The following KCNG2 variants were observed in gnomAD, a reference collection of about 807,000 sequenced individuals.
The protein encoded by KCNG2 is potassium voltage-gated channel modifier subfamily G member 2, also known as voltage-gated potassium channel regulatory subunit KCNG2.
KCNG2 carries 7 observed loss-of-function variants against 12.3 expected under a neutral mutation model. The ratio of observed to expected loss-of-function variants is 0.57; its 90% confidence interval spans 0.32 to 1.07. KCNG2 has a LOEUF of 1.07. Among genes scored for constraint, KCNG2 ranks in the 50% least tolerant of loss-of-function variants. The pLI, the probability that KCNG2 is intolerant of heterozygous loss-of-function variation, is 0.04. For synonymous variants in KCNG2, 414 were observed against 351.4 expected (o/e 1.18, Z -1.99); for missense variants, 703 against 726.0 (o/e 0.97, Z 0.36).
At position 79,899,369 on chromosome 18, in the gene KCNG2, C is replaced by T. The variant is rs773285601; in HGVS notation, c.954C>T (p.Cys318=). The T allele has an allele frequency of 3.6e-5, 56 of 1,556,794 alleles. No homozygotes were observed. The highest frequency in any genetic ancestry group is 5.7e-5 in the Admixed American group (3 of 52,992). ...LRSLGLTMRR[C]AREFGLLLLF... is the part of the protein sequence containing the mutation. ...CGCTGGGCCTGACCATGCGCCGCTG[C>T]GCGCGCGAGTTCGGGCTGCTGCTGC... The change falls in exon 4 of 4, where the codon TGC becomes TGT. Residue 318 remains cysteine, a synonymous_variant. Transcript: ENST00000316249.
intron 1 of KCNG2, among the ~76,000 whole-genome samples, chr18:79,849,551 G>A (rs1978744690): frequency 6.6e-6 from 1 of 152,248 alleles, no homozygotes; most frequent in Admixed American, 6.5e-5. Flanking sequence ...GTCAGCCTAG[G>A]AGCCTCCTGT....
chr18:79,872,611 G>A (rs8091533), intron 3 of KCNG2, among the ~76,000 whole-genome samples: 120,677 of 152,146 alleles, frequency 0.79, 52,140 homozygotes, highest in Non-Finnish European at 0.95. Flanking sequence ...ATCCCTCCCA[G>A]GTCTCCGGTC....
rs1427014425 is a variant in KCNG2, at chr18:79,797,982, C to T, written c.-147C>T. ...CCGAGGAGGCCGCCGGCCGGGTAAG[C>T]GGAGCCCGGAGCTCGCGGAGTCTGG... On this transcript the variant is annotated 5_prime_UTR_variant, in exon 1 of 4. Transcript: ENST00000316249. 6.6e-6 allele frequency among the ~76,000 whole-genome samples: 1 copy of T among 150,742 alleles called. No homozygotes were observed. The highest frequency in any genetic ancestry group is 1.5e-5 in the Non-Finnish European group (1 of 67,670).
At chr18:79,851,106 T>C (rs1978799978) in intron 1 of KCNG2, among the ~76,000 whole-genome samples, 1 of 152,106 alleles carries the variant, frequency 6.6e-6, no homozygotes, top group African/African-American at 2.4e-5. Flanking sequence ...AGCTGCTGCA[T>C]AGACAGAGCA....
intron 3 of KCNG2, among the ~76,000 whole-genome samples, chr18:79,875,243 G>T (rs775184060): frequency 1.3e-5 from 2 of 152,132 alleles, no homozygotes; most frequent in Non-Finnish European, 2.9e-5. Flanking sequence ...ATTCCAGAGG[G>T]TCCTGCCCCA....
Position 79,803,987 on chromosome 18 carries a change from T to C in KCNG2, c.-115+5973T>C, listed in dbSNP as rs776915443. ...CTGCAGCAGGCCCGTCCTTTGCTGGTGGCAGATTATTCCTCAACATGGGGA... is the reference window on the plus strand; with the variant it reads ...CTGCAGCAGGCCCGTCCTTTGCTGGCGGCAGATTATTCCTCAACATGGGGA... On this transcript the variant is annotated intron_variant, in intron 1 of 3. Transcript: ENST00000316249. The surrounding 1 kb of genome is among the most constrained non-coding windows in gnomAD (Gnocchi z 4.5). Among the ~76,000 whole-genome samples, 7 of 152,218 alleles carry C rather than the reference T, an allele frequency of 4.6e-5. No individual in the cohort carries two copies. Among genetic ancestry groups the C allele is most frequent in the Non-Finnish European group, 8.8e-5 (6 of 68,026 alleles).
intron 1 of KCNG2, among the ~76,000 whole-genome samples, chr18:79,854,455 G>C (rs1186920809): frequency 6.6e-6 from 1 of 151,940 alleles, no homozygotes; most frequent in Non-Finnish European, 1.5e-5. Context: ...CATCCTCAAA[G>C]AGCCTTTAAT....
chr18:79,812,498 T>C (rs1371186158), intron 1 of KCNG2, among the ~76,000 whole-genome samples: 1 of 152,202 alleles, frequency 6.6e-6, no homozygotes, highest in Non-Finnish European at 1.5e-5. Flanking sequence ...CCTCACTCAA[T>C]GTGAGGTTTA....
intron 3 of KCNG2, among the ~76,000 whole-genome samples, chr18:79,896,163 G>T (rs1980967588): frequency 6.6e-6 from 1 of 151,946 alleles, no homozygotes; most frequent in African/African-American, 2.4e-5. Flanking sequence ...ACAGGGTTTT[G>T]CCGTGTTGGC....
At position 79,828,547 on chromosome 18, in the gene KCNG2, CTG is replaced by C. The variant is rs1484738401; in HGVS notation, c.-114-27826_-114-27825del. 9.4e-5 allele frequency among the ~76,000 whole-genome samples: 14 copies of C among 149,700 alleles called. No homozygotes were observed. The East Asian group carries it at 2.2e-3, about 24-fold the overall frequency. ...TGTTTATGCATGTCTGTGTGTGCAT[CTG>C]TGTGTCTATCTGTGTGCATGTCTGT... On this transcript the variant is annotated intron_variant, in intron 1 of 3. Transcript: ENST00000316249.
At chr18:79,859,075 G>C (rs948930742) in intron 2 of KCNG2, among the ~76,000 whole-genome samples, 1 of 152,122 alleles carries the variant, frequency 6.6e-6, no homozygotes, top group African/African-American at 2.4e-5. Flanking sequence ...TTGGAATGAA[G>C]TCCAATTTAT....
Position 79,822,802 on chromosome 18 carries a change from G to A in KCNG2, c.-115+24788G>A, listed in dbSNP as rs1278526510. 6.6e-6 allele frequency among the ~76,000 whole-genome samples: 1 copy of A among 152,124 alleles called. No individual in the cohort carries two copies. Among genetic ancestry groups the A allele is most frequent in the Non-Finnish European group, 1.5e-5 (1 of 68,032 alleles). ...TGGCTCTTCTAGTCTTTAGCCTCCG[G>A]ATTTCATGGAAACACATTTTCCACA... On this transcript the variant is annotated intron_variant, in intron 1 of 3. Transcript: ENST00000316249. The surrounding 1 kb of genome is among the most constrained non-coding windows in gnomAD (Gnocchi z 4.4).
At chr18:79,815,700 G>A (rs771278068) in intron 1 of KCNG2, among the ~76,000 whole-genome samples, 2 of 152,158 alleles carry the variant, frequency 1.3e-5, no homozygotes, top group Non-Finnish European at 2.9e-5. Flanking sequence ...CAGATTTCCC[G>A]TGGGGAGGGA....
chr18:79,851,368 C>T (rs190363852), intron 1 of KCNG2, among the ~76,000 whole-genome samples: 8 of 152,292 alleles, frequency 5.3e-5, no homozygotes, highest in Non-Finnish European at 1.2e-4. Flanking sequence ...AATCTGTTCC[C>T]GTAGCCATAA....
At chr18:79,863,479 C>A (rs1008608687) in intron 2 of KCNG2, among the ~76,000 whole-genome samples, 149 bp from the exon 3 acceptor site, 11 of 152,222 alleles carry the variant, frequency 7.2e-5, no homozygotes, top group African/African-American at 9.6e-5. Flanking sequence ...AGAGGTCGGG[C>A]CTGCGGAGGA....
intron 3 of KCNG2, among the ~76,000 whole-genome samples, chr18:79,873,150 A>C (rs1240668203): frequency 6.6e-6 from 1 of 152,054 alleles, no homozygotes; most frequent in African/African-American, 2.4e-5. Context: ...GGAAAACAGG[A>C]ATGAGAGTTC....
At chr18:79,856,278 G>T (rs1169239529) in intron 1 of KCNG2, among the ~76,000 whole-genome samples, 101 bp from the exon 2 acceptor site, 2 of 152,214 alleles carry the variant, frequency 1.3e-5, no homozygotes, top group African/African-American at 4.8e-5. Context: ...GTGTGTGCTC[G>T]CGGGGACTGG....
At chr18:79,811,451 T>A (rs2087493649) in intron 1 of KCNG2, among the ~76,000 whole-genome samples, 2 of 152,082 alleles carry the variant, frequency 1.3e-5, no homozygotes, top group South Asian at 4.1e-4. Context: ...TTGATGAGAG[T>A]GCCAAGACCA....
intron 3 of KCNG2, among the ~76,000 whole-genome samples, chr18:79,887,054 G>A (rs865839703): frequency 7.1e-6 from 1 of 140,978 alleles, no homozygotes; most frequent in African/African-American, 2.8e-5. Flanking sequence ...ACATAGGGAC[G>A]TGGGGACAGG....
Sources: allele counts gnomAD v4.1 joint callset (sites outside exome capture counted in the v4.1 genomes callset), GRCh38; gene constraint gnomAD v4.1.1; non-coding constraint Gnocchi (gnomAD v3.1); transcripts MANE v1.5; gene names NCBI Gene and HGNC (gene_info 2026-07-23, HGNC 2026-07-21).